Variants in AKAP6 observed in about 807,000 individuals in gnomAD.
AKAP6 encodes the protein A-kinase anchoring protein 6.
Under a neutral mutation model 188.5 loss-of-function variants are expected in AKAP6, and 58 were observed. The observed-to-expected ratio is 0.31, with a 90% CI of 0.25 to 0.38. The LOEUF (loss-of-function observed/expected upper bound fraction) is 0.38. Ranked by LOEUF, AKAP6 falls within the 10% of genes least tolerant of loss-of-function variation. AKAP6 has a pLI of 1.00. For synonymous variants in AKAP6, 989 were observed against 998.6 expected (o/e 0.99, Z 0.18); for missense variants, 2,710 against 2,740.0 (o/e 0.99, Z 0.24).
intron 2 of AKAP6, among the ~76,000 whole-genome samples, chr14:32,492,118 C>T (rs1291571766): frequency 6.6e-6 from 1 of 151,940 alleles, no homozygotes; most frequent in East Asian, 1.9e-4. Flanking sequence ...AAAAATACCT[C>T]ATACTATCCT....
At chr14:32,465,514 G>A (rs1238573372) in intron 2 of AKAP6, among the ~76,000 whole-genome samples, 1 of 152,152 alleles carries the variant, frequency 6.6e-6, no homozygotes, top group Non-Finnish European at 1.5e-5. Flanking sequence ...AATAAATAAT[G>A]TTGGGAAAAC....
intron 8 of AKAP6, among the ~76,000 whole-genome samples, chr14:32,694,201 A>G (rs1890297944): frequency 6.6e-6 from 1 of 152,036 alleles, no homozygotes; most frequent in Non-Finnish European, 1.5e-5. Context: ...CTCCACCAAA[A>G]ATACAAAAAA....
At position 32,625,842 on chromosome 14, in the gene AKAP6, G is replaced by A. The variant is rs114112113; in HGVS notation, c.2730+25050G>A. ...AGTTAAGCACCCTTTAAACCAAAGGGACAATATTTCACCAGCCTTTCAGAG... is the reference window on the plus strand; with the variant it reads ...AGTTAAGCACCCTTTAAACCAAAGGAACAATATTTCACCAGCCTTTCAGAG... On this transcript the variant is annotated intron_variant, in intron 7 of 13. Transcript: ENST00000280979. Among the ~76,000 whole-genome samples, 499 of 152,154 alleles carry A rather than the reference G, an allele frequency of 3.3e-3. 2 individuals carry two copies. The highest frequency in any genetic ancestry group is 0.011 in the African/African-American group (452 of 41,516).
At chr14:32,656,493 A>G (rs79986897) in intron 7 of AKAP6, among the ~76,000 whole-genome samples, 2 of 152,214 alleles carry the variant, frequency 1.3e-5, no homozygotes, top group South Asian at 4.1e-4. Context: ...GCCAAAACTG[A>G]CTCACCTGGG....
At chr14:32,679,459 ACT>A (rs1313140446) in intron 8 of AKAP6, among the ~76,000 whole-genome samples, 1 of 152,122 alleles carries the variant, frequency 6.6e-6, no homozygotes, top group Non-Finnish European at 1.5e-5. Flanking sequence ...ATGGGATGTA[ACT>A]CTAGCCAAAA....
intron 9 of AKAP6, among the ~76,000 whole-genome samples, chr14:32,720,525 A>G (rs906523508): frequency 1.3e-5 from 2 of 152,228 alleles, no homozygotes; most frequent in African/African-American, 4.8e-5. Context: ...GCATAATGGT[A>G]ATTCTTCAGT....
chr14:32,705,462 G>A (rs887522118), intron 9 of AKAP6, among the ~76,000 whole-genome samples: 3 of 152,158 alleles, frequency 2.0e-5, no homozygotes, highest in African/African-American at 7.2e-5. Context: ...ATATGTGAGT[G>A]TGTTTTTCTG....
intron 2 of AKAP6, among the ~76,000 whole-genome samples, chr14:32,531,503 A>G (rs1882412702): frequency 6.6e-6 from 1 of 152,222 alleles, no homozygotes; most frequent in Admixed American, 6.5e-5. Context: ...AATTAGTTTA[A>G]AAATTATCAT....
At chr14:32,480,452 G>A (rs1233147641) in intron 2 of AKAP6, among the ~76,000 whole-genome samples, 1 of 152,116 alleles carries the variant, frequency 6.6e-6, no homozygotes, top group Non-Finnish European at 1.5e-5. Context: ...AAGTTGTGCC[G>A]TAGTCATGAT....
intron 7 of AKAP6, among the ~76,000 whole-genome samples, chr14:32,614,699 TC>T (rs1886485908): frequency 6.6e-6 from 1 of 152,096 alleles, no homozygotes; most frequent in African/African-American, 2.4e-5. Flanking sequence ...CATACTACTT[TC>T]TTTCATGGTG....
chr14:32,529,233 T>C (rs1393065781), intron 2 of AKAP6, among the ~76,000 whole-genome samples: 1 of 152,222 alleles, frequency 6.6e-6, no homozygotes, highest in African/African-American at 2.4e-5. Context: ...GATGCTAGTA[T>C]AAATGGTATT....
chr14:32,596,918 G>A (rs368393470), intron 5 of AKAP6, among the ~76,000 whole-genome samples: 4 of 152,252 alleles, frequency 2.6e-5, no homozygotes, highest in South Asian at 2.1e-4. Context: ...GTGTCTGCTC[G>A]TCTGCCTTCT....
At chr14:32,674,230 G>T (rs1295930682) in intron 7 of AKAP6, among the ~76,000 whole-genome samples, 1 of 152,198 alleles carries the variant, frequency 6.6e-6, no homozygotes, top group East Asian at 1.9e-4. Flanking sequence ...AGGAAACGTG[G>T]CCTAAGGTCA....
intron 9 of AKAP6, among the ~76,000 whole-genome samples, chr14:32,729,723 G>T (rs1017610753): frequency 6.6e-6 from 1 of 152,020 alleles, no homozygotes; most frequent in African/African-American, 2.4e-5. Flanking sequence ...AGACAGAGAG[G>T]CCCACAGCAG....
At chr14:32,570,927 G>A (rs1884450680) in intron 4 of AKAP6, among the ~76,000 whole-genome samples, 1 of 152,070 alleles carries the variant, frequency 6.6e-6, no homozygotes, top group South Asian at 2.1e-4. Context: ...GATTTCATAC[G>A]GTGCCAGTGA....
intron 4 of AKAP6, among the ~76,000 whole-genome samples, chr14:32,567,692 C>T (rs1224550589): frequency 1.3e-5 from 2 of 152,170 alleles, no homozygotes; most frequent in African/African-American, 4.8e-5. Context: ...TCAAGCCACA[C>T]TCACTCTTGT....
chr14:32,694,651 A>G (rs907834882), intron 8 of AKAP6, among the ~76,000 whole-genome samples: 1 of 152,204 alleles, frequency 6.6e-6, no homozygotes, highest in African/African-American at 2.4e-5. Flanking sequence ...TTGGGTGCTT[A>G]TAGTTCTAAT....
intron 4 of AKAP6, among the ~76,000 whole-genome samples, chr14:32,556,377 C>T (rs1883689304): frequency 6.6e-6 from 1 of 152,104 alleles, no homozygotes; most frequent in Non-Finnish European, 1.5e-5. Context: ...GGGTCTTGCT[C>T]TGTCACCTAG....
chr14:32,430,034 A>C (rs1305894965), intron 1 of AKAP6, among the ~76,000 whole-genome samples: 3 of 152,246 alleles, frequency 2.0e-5, no homozygotes, highest in Non-Finnish European at 4.4e-5. Flanking sequence ...AACAACACAA[A>C]ACGTGTAAAT....
Sources: allele counts gnomAD v4.1 joint callset (sites outside exome capture counted in the v4.1 genomes callset), GRCh38; gene constraint gnomAD v4.1.1; transcripts MANE v1.5; gene names NCBI Gene and HGNC (gene_info 2026-07-23, HGNC 2026-07-21).